ACAN: variants seen among roughly 807,000 people sequenced by gnomAD.
The protein encoded by ACAN is aggrecan, also known as aggrecan core protein.
A neutral mutation model predicts 169.1 loss-of-function variants in ACAN; 47 were observed. The ratio of observed to expected loss-of-function variants is 0.28; its 90% confidence interval spans 0.22 to 0.35. ACAN has a LOEUF of 0.35. Ranked by LOEUF, ACAN falls within the 10% of genes least tolerant of loss-of-function variation. ACAN has a pLI of 1.00. For synonymous variants in ACAN, 1,115 were observed against 1,112.2 expected (o/e 1.00, Z -0.05); for missense variants, 2,716 against 2,759.9 (o/e 0.98, Z 0.36).
chr15:88,842,572 G>C (rs1281547996), intron 5 of ACAN, among the ~76,000 whole-genome samples: 2 of 148,324 alleles, frequency 1.3e-5, no homozygotes, highest in East Asian at 2.0e-4. Context: ...GAGAAGAGCT[G>C]ACAACTGGCA....
In ACAN at chr15:88,859,335, A is replaced by C. The variant is rs756420982; in HGVS notation, c.6750A>C (p.Thr2250=). ...TGTACTCAGGAGAAGAGACTCACAC[A>C]GTCGAAACAGCCACCTCCCCAACAG... ...SLLYSGEETH[T]VETATSPTDA... Residue 2250 remains threonine, a synonymous_variant, in exon 12 of 19, where the codon ACA becomes ACC. Transcript: ENST00000560601. The C allele has an allele frequency of 1.4e-5, 22 of 1,604,586 alleles. No individual in the cohort carries two copies. Among genetic ancestry groups the C allele is most frequent in the Non-Finnish European group, 1.8e-5 (21 of 1,175,456 alleles).
Position 88,871,764 on chromosome 15 carries a change from C to T in ACAN, c.7219+224C>T, listed in dbSNP as rs536682066. On this transcript the variant is annotated intron_variant, in intron 15 of 18. Coordinates refer to ENST00000560601, the MANE Select transcript of ACAN (RefSeq NM_001369268.1). This position sits in a 1 kb window ranked among gnomAD's most constrained non-coding sequence, Gnocchi z 7.8. ...GGGCAGACCCATTGCCAGCCAGAGT[C>T]AGCCCAAGACTAAGCTATGGCTGTC... 1.8e-3 allele frequency among the ~76,000 whole-genome samples: 280 copies of T among 152,340 alleles called. No homozygotes were observed. The highest frequency in any genetic ancestry group is 6.5e-3 in the African/African-American group (272 of 41,576).
At position 88,858,685 on chromosome 15, in the gene ACAN, G is replaced by T; in HGVS notation, c.6100G>T (p.Val2034Phe). 1 of 1,614,016 alleles carries T rather than the reference G, an allele frequency of 6.2e-7. No individual in the cohort carries two copies. The highest frequency in any genetic ancestry group is 1.3e-5 in the African/African-American group (1 of 75,062). ...TGGAGAGGCCTCAGGACTTCCAGAA[G>T]TTACTTTAATCACTTCTGAGTTCGT... ...TSGEASGLPE[V>F]TLITSEFVEG... is the part of the protein sequence containing the mutation. The change falls in exon 12 of 19, where the codon GTT becomes TTT. Residue 2034 changes from valine (V) to phenylalanine (F), a missense_variant. Transcript: ENST00000560601. The surrounding 1 kb of genome is among the most constrained non-coding windows in gnomAD (Gnocchi z 4.0).
At chr15:88,864,138 C>A (rs746235791) in intron 13 of ACAN, among the ~76,000 whole-genome samples, 4 of 152,214 alleles carry the variant, frequency 2.6e-5, no homozygotes, top group Non-Finnish European at 4.4e-5. Flanking sequence ...GGTTGTGCCA[C>A]TGCATTCCAG....
At position 88,843,715 on chromosome 15, in the gene ACAN, G is replaced by GA; in HGVS notation, c.1051+68dup. The GA allele has an allele frequency of 6.7e-7, 1 of 1,497,200 alleles. No individual in the cohort carries two copies. The highest frequency in any genetic ancestry group is 2.0e-4 in the Middle Eastern group (1 of 4,964). 92.7% of individuals were successfully genotyped at this position (1,497,200 alleles called of 1,614,324 possible). A position where few individuals can be genotyped will look rare whatever the true frequency, so the allele number is the denominator to read the frequency against. On this transcript the variant is annotated intron_variant, in intron 6 of 18. Coordinates refer to ENST00000560601, the MANE Select transcript of ACAN (RefSeq NM_001369268.1). This position sits in a 1 kb window ranked among gnomAD's most constrained non-coding sequence, Gnocchi z 4.0. ...AAATGGGGTCCTAGAGGGAAGAGGG[G>GA]ATCTTGGAAAGGGAGGGTTGGTTTT...
At chr15:88,828,393 T>C (rs530922786) in intron 1 of ACAN, among the ~76,000 whole-genome samples, 2 of 152,180 alleles carry the variant, frequency 1.3e-5, no homozygotes, top group African/African-American at 4.8e-5. Context: ...TTTCTTATTT[T>C]CTTTTCTCGC....
chr15:88,874,170 G>C lies in ACAN; in HGVS notation c.7630+146G>C. 1 of 1,175,886 alleles carries C rather than the reference G, an allele frequency of 8.5e-7. No homozygotes were observed. The highest frequency in any genetic ancestry group is 1.3e-5 in the South Asian group (1 of 75,952). The allele number at this position is 1,175,886 out of a possible 1,614,324, so 72.8% of individuals were successfully genotyped here. On this transcript the variant is annotated intron_variant, in intron 18 of 18. Coordinates refer to ENST00000560601, the MANE Select transcript of ACAN (RefSeq NM_001369268.1). This position sits in a 1 kb window ranked among gnomAD's most constrained non-coding sequence, Gnocchi z 7.3. ...TCGGGGGGCTGCTCAGTCACAAATA[G>C]CTGACCACTGCCCTTAGAAGGGCCA... is the stretch of plus-strand genomic sequence containing the variant.
In ACAN at chr15:88,851,587, C is replaced by A. The variant is rs1299145320; in HGVS notation, c.2027-207C>A. On this transcript the variant is annotated intron_variant, in intron 10 of 18. Coordinates refer to ENST00000560601, the MANE Select transcript of ACAN (RefSeq NM_001369268.1). The surrounding 1 kb of genome is among the most constrained non-coding windows in gnomAD (Gnocchi z 4.3). ...TCTGCAGGGGAGATGCCCCAGATCA[C>A]TGGAACTAAAGTGCTGATGGTGCAT... 11 of 552,854 alleles carry A rather than the reference C, an allele frequency of 2.0e-5. No individual in the cohort carries two copies. The highest frequency in any genetic ancestry group is 9.3e-4 in the Middle Eastern group (2 of 2,140). 34.2% of individuals were successfully genotyped at this position (552,854 alleles called of 1,614,324 possible).
intron 1 of ACAN, among the ~76,000 whole-genome samples, chr15:88,822,946 C>A (rs117380860): frequency 5.3e-5 from 8 of 152,208 alleles, no homozygotes; most frequent in African/African-American, 1.9e-4. Context: ...ACAGCCACAT[C>A]CCAGGCACCT....
At chr15:88,847,472 G>A in intron 8 of ACAN, 55 bp downstream of exon 8, 1 of 1,479,234 alleles carries the variant, frequency 6.8e-7, no homozygotes, top group Non-Finnish European at 9.0e-7. Context: ...CAGGCTTAAG[G>A]AGCCACAGCC....
At chr15:88,832,706 G>A (rs1353797417) in intron 1 of ACAN, among the ~76,000 whole-genome samples, 1 of 152,238 alleles carries the variant, frequency 6.6e-6, no homozygotes, top group Non-Finnish European at 1.5e-5. Flanking sequence ...TGTTGTGTTT[G>A]AAATGAATGC....
intron 9 of ACAN, 87 bp downstream of exon 9, chr15:88,848,125 T>A (rs570523271): frequency 6.5e-7 from 1 of 1,531,038 alleles, no homozygotes; most frequent in Middle Eastern, 1.8e-4. Context: ...AGAGAGGGGG[T>A]TACCACCCAC....
chr15:88,865,716 C>T (rs1218289317), intron 13 of ACAN, among the ~76,000 whole-genome samples: 1 of 152,196 alleles, frequency 6.6e-6, no homozygotes, highest in Non-Finnish European at 1.5e-5. Context: ...ACAGCAGGGC[C>T]CAGCCCAACT....
chr15:88,831,127 G>A (rs1277966938), intron 1 of ACAN, among the ~76,000 whole-genome samples: 1 of 152,218 alleles, frequency 6.6e-6, no homozygotes, highest in Non-Finnish European at 1.5e-5. Context: ...CTACCAGTGT[G>A]ATGTCACCGA....
chr15:88,815,983 C>T (rs528332359), intron 1 of ACAN, among the ~76,000 whole-genome samples: 1 of 152,304 alleles, frequency 6.6e-6, no homozygotes, highest in East Asian at 1.9e-4. Context: ...TCCTTCCTTG[C>T]CCCTTCCTGG....
Position 88,872,965 on chromosome 15 carries a change from G to A in ACAN, c.7387G>A (p.Gly2463Ser), listed in dbSNP as rs778025458. Residue 2463 changes from glycine (G) to serine (S), a missense_variant, in exon 17 of 19, where the codon GGC becomes AGC. Transcript: ENST00000560601. The surrounding 1 kb of genome is among the most constrained non-coding windows in gnomAD (Gnocchi z 5.4). ...TGTGGTGATGATCTGGCACGAGAAG[G>A]GCGAGTGGAATGATGTTCCCTGCAA... is the stretch of plus-strand genomic sequence containing the variant. ...DCVVMIWHEK[G>S]EWNDVPCNYH... is the part of the protein sequence containing the mutation. 6 of 1,613,914 alleles carry A rather than the reference G, an allele frequency of 3.7e-6. No homozygotes were observed. Among genetic ancestry groups the A allele is most frequent in the Non-Finnish European group, 5.1e-6 (6 of 1,179,918 alleles).
chr15:88,842,633 T>C (rs1405334333), intron 5 of ACAN, among the ~76,000 whole-genome samples: 3 of 152,102 alleles, frequency 2.0e-5, no homozygotes, highest in African/African-American at 7.2e-5. Context: ...GTAGGCCCCC[T>C]GCCGCATTCC....
At chr15:88,827,344 G>A (rs1896249067) in intron 1 of ACAN, among the ~76,000 whole-genome samples, 1 of 152,226 alleles carries the variant, frequency 6.6e-6, no homozygotes, top group Non-Finnish European at 1.5e-5. Context: ...AGTTGGTGGG[G>A]TGGGGGGCCC....
Position 88,843,656 on chromosome 15 carries a change from A to T in ACAN, c.1051+8A>T. On this transcript the variant is annotated splice_region_variant and intron_variant, in intron 6 of 18. Coordinates refer to ENST00000560601, the MANE Select transcript of ACAN (RefSeq NM_001369268.1). The surrounding 1 kb of genome is among the most constrained non-coding windows in gnomAD (Gnocchi z 4.0). ...ACGCCATCTGCTACACAGGTGGGGC[A>T]CGGCTGGTGGTGGGAAGGGAGTTCA... 1 of 1,560,580 alleles carries T rather than the reference A, an allele frequency of 6.4e-7. No homozygotes were observed.
Sources: allele counts gnomAD v4.1 joint callset (sites outside exome capture counted in the v4.1 genomes callset), GRCh38; gene constraint gnomAD v4.1.1; non-coding constraint Gnocchi (gnomAD v3.1); transcripts MANE v1.5; gene names NCBI Gene and HGNC (gene_info 2026-07-23, HGNC 2026-07-21).